TRDN: variants seen among roughly 807,000 people sequenced by gnomAD.
TRDN encodes the protein triadin, also known as triadin in skeletal muscle.
TRDN carries 161 observed loss-of-function variants against 149.7 expected under a neutral mutation model. The observed-to-expected ratio is 1.08, with a 90% confidence interval of 0.95 to 1.23. The LOEUF is 1.23. TRDN is among the 50% of genes most tolerant of loss of function. TRDN has a pLI of 0.00. For synonymous variants in TRDN, 294 were observed against 250.5 expected (o/e 1.17, Z -1.64); for missense variants, 896 against 823.5 (o/e 1.09, Z -1.08).
At chr6:123,219,982 C>G (rs1210066182) in intron 40 of TRDN, among the ~76,000 whole-genome samples, 22 of 151,774 alleles carry the variant, frequency 1.4e-4, no homozygotes. Flanking sequence ...GTTGAATAAG[C>G]TACTCATTAA....
chr6:123,636,583 A>C (rs888861261), intron 1 of TRDN, among the ~76,000 whole-genome samples, 171 bp downstream of exon 1: 3 of 151,942 alleles, frequency 2.0e-5, no homozygotes, highest in Non-Finnish European at 4.4e-5. Context: ...CAATATACAG[A>C]TCTGGCAGCC....
In TRDN at chr6:123,229,714, C is replaced by T. The variant is rs533292397; in HGVS notation, c.1976-5583G>A. On this transcript the variant is annotated intron_variant, in intron 38 of 40. Transcript: ENST00000334268. ...TGATCTGTTGGTATTTAGGAGACTG[C>T]GTGTGTATGGACTCTAATAAATATG... Among the ~76,000 whole-genome samples, 57 of 151,898 alleles carry T rather than the reference C, an allele frequency of 3.8e-4. No homozygotes were observed. In the Middle Eastern group the frequency reaches 0.01, roughly 27 times the overall value.
chr6:123,546,945 A>T (rs1781142208), intron 4 of TRDN, among the ~76,000 whole-genome samples: 1 of 152,048 alleles, frequency 6.6e-6, no homozygotes, highest in African/African-American at 2.4e-5. Flanking sequence ...CAAAATAATG[A>T]TGGCAAAAAA....
intron 33 of TRDN, among the ~76,000 whole-genome samples, chr6:123,261,975 T>C (rs1776788336): frequency 6.6e-6 from 1 of 151,962 alleles, no homozygotes; most frequent in East Asian, 1.9e-4. Context: ...GAAAACAGGT[T>C]AGTTCTGGGT....
chr6:123,232,821 ATT>A (rs924777725), intron 38 of TRDN, among the ~76,000 whole-genome samples: 2 of 151,966 alleles, frequency 1.3e-5, no homozygotes, highest in African/African-American at 4.8e-5. Context: ...TAAACATAAA[ATT>A]TTTCTGTGTA....
chr6:123,230,557 AAAG>A (rs2114520513), intron 38 of TRDN, among the ~76,000 whole-genome samples: 1 of 144,306 alleles, frequency 6.9e-6, no homozygotes, highest in African/African-American at 2.6e-5. Flanking sequence ...ATAATAATAA[AAAG>A]AAAAATGATA....
At chr6:123,250,689 C>G (rs977187495) in intron 38 of TRDN, among the ~76,000 whole-genome samples, 1 of 151,776 alleles carries the variant, frequency 6.6e-6, no homozygotes, top group Admixed American at 6.6e-5. Flanking sequence ...ATTTTTCTTT[C>G]TGATATATTT....
intron 38 of TRDN, among the ~76,000 whole-genome samples, chr6:123,248,459 A>G (rs1358373177): frequency 5.3e-5 from 8 of 152,148 alleles, no homozygotes; most frequent in Admixed American, 5.2e-4. Context: ...CCAGAGGCTG[A>G]GGCAGAAGAA....
intron 9 of TRDN, among the ~76,000 whole-genome samples, chr6:123,466,493 C>G (rs1012947482): frequency 1.3e-5 from 2 of 151,992 alleles, no homozygotes; most frequent in African/African-American, 4.8e-5. Flanking sequence ...TCCCAAGTTG[C>G]AATTCTTAAA....
chr6:123,400,002 A>T (rs1772891860), intron 12 of TRDN, among the ~76,000 whole-genome samples: 1 of 151,896 alleles, frequency 6.6e-6, no homozygotes. Flanking sequence ...ACTTTAGTGA[A>T]ATAAATGTTA....
intron 4 of TRDN, 75 bp downstream of exon 4, chr6:123,547,265 T>C: frequency 1.1e-6 from 1 of 890,468 alleles, no homozygotes; most frequent in Non-Finnish European, 1.6e-6. Flanking sequence ...ATAAGTAAAA[T>C]ATATTTGAAC....
intron 1 of TRDN, among the ~76,000 whole-genome samples, chr6:123,608,050 C>T (rs762874542): frequency 5.9e-5 from 9 of 152,088 alleles, no homozygotes; most frequent in Admixed American, 3.3e-4. Context: ...GTCAACTATA[C>T]TCCAAAATTT....
intron 19 of TRDN, among the ~76,000 whole-genome samples, chr6:123,368,271 G>T (rs1398168951): frequency 1.3e-5 from 2 of 152,158 alleles, no homozygotes; most frequent in African/African-American, 4.8e-5. Flanking sequence ...ATGCTATCAG[G>T]TTGCACCACT....
intron 19 of TRDN, 89 bp downstream of exon 19, chr6:123,375,516 A>T: frequency 8.7e-7 from 1 of 1,144,872 alleles, no homozygotes; most frequent in Non-Finnish European, 1.2e-6. Context: ...AGCCATTCTC[A>T]AAATTAGCAT....
chr6:123,292,279 G>T (rs1358773360), intron 24 of TRDN, among the ~76,000 whole-genome samples: 3 of 152,160 alleles, frequency 2.0e-5, no homozygotes. Context: ...GGAGCCAGGG[G>T]ACTTGTAGCC....
intron 2 of TRDN, among the ~76,000 whole-genome samples, chr6:123,563,100 TG>T (rs1782088057): frequency 6.6e-6 from 1 of 152,204 alleles, no homozygotes; most frequent in Admixed American, 6.5e-5. Context: ...TACAATTATG[TG>T]GTTATTTCAG....
chr6:123,516,538 C>G (rs1779419345), intron 5 of TRDN, among the ~76,000 whole-genome samples: 1 of 151,960 alleles, frequency 6.6e-6, no homozygotes, highest in South Asian at 2.1e-4. Flanking sequence ...AGGAGCCCGG[C>G]TTTGATATTG....
chr6:123,502,927 A>G, intron 8 of TRDN: 1 of 985,338 alleles, frequency 1.0e-6, no homozygotes, highest in Non-Finnish European at 1.2e-6. Flanking sequence ...GAAACATTCA[A>G]TAAGGGCCAG....
intron 38 of TRDN, among the ~76,000 whole-genome samples, chr6:123,235,496 C>T (rs185215121): frequency 1.5e-3 from 222 of 152,118 alleles, no homozygotes; most frequent in Non-Finnish European, 2.1e-3. Flanking sequence ...AAAAAGCAAC[C>T]CAGCTAGGAA....
Sources: allele counts gnomAD v4.1 joint callset (sites outside exome capture counted in the v4.1 genomes callset), GRCh38; gene constraint gnomAD v4.1.1; transcripts MANE v1.5; gene names NCBI Gene and HGNC (gene_info 2026-07-23, HGNC 2026-07-21).